The following FZD7 variants were observed in gnomAD, a reference collection of about 807,000 sequenced individuals.
The protein encoded by FZD7 is frizzled class receptor 7, also known as frizzled-7.
In FZD7, 21 loss-of-function variants were observed where a neutral mutation model predicts 39.0. The observed-to-expected ratio is 0.54, with a 90% CI of 0.38 to 0.78. FZD7 has a LOEUF of 0.78. Among genes scored for constraint, FZD7 ranks in the 30% least tolerant of loss-of-function variants. The probability of loss-of-function intolerance (pLI) is 0.00; values close to 1 mark genes in which losing one functional copy is unlikely to be tolerated. For missense variants in FZD7, 695 were observed against 805.0 expected, an observed-to-expected ratio of 0.86 and a Z score of 1.65; for synonymous variants, 428 against 364.9, an observed-to-expected ratio of 1.17 and a Z score of -1.97.
chr2:202,034,382 C>T lies in FZD7; in HGVS notation c.-266C>T, dbSNP rs980629226. On this transcript the variant is annotated 5_prime_UTR_variant, in exon 1 of 1. Transcript: ENST00000286201. ...TTACGTCCCCGCGGGGAGAGCGAGG[C>T]GGCCCTCCTCGGCGCCCCCAACCCA... 8.6e-5 allele frequency among the ~76,000 whole-genome samples: 13 copies of T among 151,716 alleles called. No individual in the cohort carries two copies. Among genetic ancestry groups the T allele is most frequent in the Non-Finnish European group, 2.9e-5 (2 of 67,894 alleles).
Position 202,037,637 on chromosome 2 carries a change from A to G in FZD7, c.*1265A>G, listed in dbSNP as rs1246546499. On this transcript the variant is annotated 3_prime_UTR_variant, in exon 1 of 1. Coordinates refer to ENST00000286201, the MANE Select transcript of FZD7 (RefSeq NM_003507.2). Reference sequence around the variant, plus strand: ...TGAGGTAAAAAAACATAATGTCTTCAGCCTCATAATAAAGGAAAGTTAATT... The same window carrying G: ...TGAGGTAAAAAAACATAATGTCTTCGGCCTCATAATAAAGGAAAGTTAATT... 2 of 166,598 alleles carry G rather than the reference A, an allele frequency of 1.2e-5. No homozygotes were observed. Among genetic ancestry groups the G allele is most frequent in the East Asian group, 3.8e-4 (2 of 5,196 alleles). 10.3% of individuals were successfully genotyped at this position (166,598 alleles called of 1,614,324 possible). A position where few individuals can be genotyped will look rare whatever the true frequency, so the allele number is the denominator to read the frequency against.
Position 202,034,991 on chromosome 2 carries a change from A to G in FZD7, c.344A>G (p.Gln115Arg). The G allele has an allele frequency of 6.2e-7, 1 of 1,613,724 alleles. No homozygotes were observed. Among genetic ancestry groups the G allele is most frequent in the South Asian group, 1.1e-5 (1 of 91,082 alleles). ...MYAPVCTVLD[Q>R]AIPPCRSLCE... ...GCGCCCGTGTGCACCGTGCTCGATC[A>G]GGCCATCCCGCCGTGTCGTTCTCTG... The change falls in exon 1 of 1, where the codon CAG becomes CGG. Residue 115 changes from glutamine to arginine, a missense_variant. By Grantham distance (43) the Gln-to-Arg change is conservative. Coordinates refer to ENST00000286201, the MANE Select transcript of FZD7 (RefSeq NM_003507.2).
In FZD7 at chr2:202,037,225, T is replaced by C. The variant is rs1688761482; in HGVS notation, c.*853T>C. 6.0e-6 allele frequency: 1 copy of C among 167,084 alleles called. No homozygotes were observed. Among genetic ancestry groups the C allele is most frequent in the Non-Finnish European group, 1.5e-5 (1 of 68,128 alleles). 10.4% of individuals were successfully genotyped at this position (167,084 alleles called of 1,614,324 possible). A position where few individuals can be genotyped will look rare whatever the true frequency, so the allele number is the denominator to read the frequency against. On this transcript the variant is annotated 3_prime_UTR_variant, in exon 1 of 1. Coordinates refer to ENST00000286201, the MANE Select transcript of FZD7 (RefSeq NM_003507.2). ...GCTTTTCAAAACAGGAATGCATTTT[T>C]CCCCTTGTCTTTGTTGTAAGAGACA...
rs1207989549 is a variant in FZD7 at position 202,035,421 on chromosome 2, C to T, written c.774C>T (p.Gly258=). The T allele has an allele frequency of 1.2e-6, 2 of 1,613,896 alleles. No homozygotes were observed. Among genetic ancestry groups the T allele is most frequent in the Middle Eastern group, 1.6e-4 (1 of 6,062 alleles). The stretch of plus-strand genomic sequence containing the variant: ...GGCGCTTCGCCCGCCTCTGGGTGGG[C>T]GTGTGGTCCGTGCTGTGCTGCGCCT... ...EERRFARLWV[G]VWSVLCCAST... The change falls in exon 1 of 1, where the codon GGC becomes GGT. Residue 258 remains glycine, a synonymous_variant. Coordinates refer to ENST00000286201, the MANE Select transcript of FZD7 (RefSeq NM_003507.2).
Position 202,035,973 on chromosome 2 carries a change from C to A in FZD7, c.1326C>A (p.Ala442=). The A allele has an allele frequency of 6.2e-7, 1 of 1,614,182 alleles. No homozygotes were observed. Among genetic ancestry groups the A allele is most frequent in the Non-Finnish European group, 8.5e-7 (1 of 1,180,032 alleles). ...YLFIGTSFLL[A]GFVSLFRIRT... ...TCATAGGCACGTCCTTCTTGCTGGC[C>A]GGCTTCGTGTCCCTCTTCCGTATCC... The change falls in exon 1 of 1, where the codon GCC becomes GCA. Residue 442 remains alanine (A), a synonymous_variant. Coordinates refer to ENST00000286201, the MANE Select transcript of FZD7 (RefSeq NM_003507.2).
In FZD7 at chr2:202,036,430, T is replaced by A. The variant is rs1688744392; in HGVS notation, c.*58T>A. ...CCCTCTTGCAAGAGGAGAGGCACGG[T>A]AGGGAAAAGAACTGCTGGGTGGGGG... On this transcript the variant is annotated 3_prime_UTR_variant, in exon 1 of 1. Transcript: ENST00000286201. The A allele has an allele frequency of 1.5e-6, 2 of 1,357,410 alleles. No individual in the cohort carries two copies. The highest frequency in any genetic ancestry group is 3.9e-5 in the Admixed American group (2 of 50,734). 84.1% of individuals were successfully genotyped at this position (1,357,410 alleles called of 1,614,324 possible).
At position 202,034,494 on chromosome 2, in the gene FZD7, C is replaced by T. The variant is rs1416950932; in HGVS notation, c.-154C>T. The T allele has an allele frequency of 4.1e-6, 2 of 487,580 alleles. No individual in the cohort carries two copies. The highest frequency in any genetic ancestry group is 2.0e-5 in the African/African-American group (1 of 49,640). 30.2% of individuals were successfully genotyped at this position (487,580 alleles called of 1,614,324 possible). Reference sequence around the variant, plus strand: ...CTTCGCGGCGCGGGCACCCAGGCGGCAGCGCCCTTTGCTCCACGCCGCCCA... The same window carrying T: ...CTTCGCGGCGCGGGCACCCAGGCGGTAGCGCCCTTTGCTCCACGCCGCCCA... On this transcript the variant is annotated 5_prime_UTR_variant, in exon 1 of 1. Coordinates refer to ENST00000286201, the MANE Select transcript of FZD7 (RefSeq NM_003507.2).
In FZD7 at chr2:202,036,168, G is replaced by T; in HGVS notation, c.1521G>T (p.Thr507=). 1 of 1,613,428 alleles carries T rather than the reference G, an allele frequency of 6.2e-7. No individual in the cohort carries two copies. Among genetic ancestry groups the T allele is most frequent in the Non-Finnish European group, 8.5e-7 (1 of 1,179,924 alleles). ...GGGAGCGCACCTGGCTCCTGCAGACGTGCAAGAGCTATGCCGTGCCCTGCC... is the reference window on the plus strand; with the variant it reads ...GGGAGCGCACCTGGCTCCTGCAGACTTGCAAGAGCTATGCCGTGCCCTGCC... ...EHWERTWLLQ[T]CKSYAVPCPP... The change falls in exon 1 of 1, where the codon ACG becomes ACT. Residue 507 remains threonine, a synonymous_variant. Transcript: ENST00000286201.
chr2:202,036,097 A>G lies in FZD7; in HGVS notation c.1450A>G (p.Ile484Val), dbSNP rs770553279. The change falls in exon 1 of 1, where the codon ATC (isoleucine) becomes GTC (valine). Residue 484 changes from isoleucine to valine, a missense_variant. Ile to Val is a conservative substitution (Grantham distance 29). Transcript: ENST00000286201. ...FSVLYTVPAT[I>V]VLACYFYEQA... Reference sequence around the variant, plus strand: ...CGTGCTCTACACAGTGCCCGCCACCATCGTCCTGGCCTGCTACTTCTACGA... The same window carrying G: ...CGTGCTCTACACAGTGCCCGCCACCGTCGTCCTGGCCTGCTACTTCTACGA... The G allele has an allele frequency of 6.2e-7, 1 of 1,613,922 alleles. No individual in the cohort carries two copies. The highest frequency in any genetic ancestry group is 8.5e-7 in the Non-Finnish European group (1 of 1,180,032).
In FZD7 at chr2:202,035,775, C is replaced by G. The variant is rs1216592887; in HGVS notation, c.1128C>G (p.Ala376=). ...AGTGGGGCCACGAGGCCATCGAGGC[C>G]AACTCGCAGTACTTCCACCTGGCCG... ...GMKWGHEAIE[A]NSQYFHLAAW... Residue 376 remains alanine, a synonymous_variant, in exon 1 of 1, where the codon GCC becomes GCG. Coordinates refer to ENST00000286201, the MANE Select transcript of FZD7 (RefSeq NM_003507.2). 1.9e-6 allele frequency: 3 copies of G among 1,614,008 alleles called. No homozygotes were observed. Among genetic ancestry groups the G allele is most frequent in the Non-Finnish European group, 2.5e-6 (3 of 1,180,044 alleles).
rs1409553863 is a variant in FZD7, at chr2:202,038,356, C to T, written c.*1984C>T. On this transcript the variant is annotated 3_prime_UTR_variant, in exon 1 of 1. Coordinates refer to ENST00000286201, the MANE Select transcript of FZD7 (RefSeq NM_003507.2). The stretch of plus-strand genomic sequence containing the variant: ...TATATATTGTATTTATACATTTTTA[C>T]TTTGGATTTTTGTTTTGTTGGCTTT... 6.0e-6 allele frequency: 1 copy of T among 166,282 alleles called. No individual in the cohort carries two copies. Among genetic ancestry groups the T allele is most frequent in the Non-Finnish European group, 1.5e-5 (1 of 68,098 alleles). The allele number at this position is 166,282 out of a possible 1,614,324, so 10.3% of individuals were successfully genotyped here.
chr2:202,035,036 G>A lies in FZD7; in HGVS notation c.389G>A (p.Gly130Asp), dbSNP rs964070574. Residue 130 changes from glycine to aspartate, a missense_variant, in exon 1 of 1, where the codon GGC becomes GAC. Gly to Asp is a moderately conservative substitution (Grantham distance 94, BLOSUM62 -1). Transcript: ENST00000286201. ...CRSLCERARQGCEALMNKFGF... is the reference protein window; with the variant it reads ...CRSLCERARQDCEALMNKFGF... Reference sequence around the variant, plus strand: ...TCTCTGTGCGAGCGCGCCCGCCAGGGCTGCGAGGCGCTCATGAACAAGTTC... The same window carrying A: ...TCTCTGTGCGAGCGCGCCCGCCAGGACTGCGAGGCGCTCATGAACAAGTTC... The A allele has an allele frequency of 1.2e-6, 2 of 1,612,906 alleles. No individual in the cohort carries two copies. Among genetic ancestry groups the A allele is most frequent in the Non-Finnish European group, 1.7e-6 (2 of 1,179,822 alleles).
Position 202,034,618 on chromosome 2 carries a change from C to T in FZD7, c.-30C>T. The T allele has an allele frequency of 2.0e-6, 3 of 1,522,704 alleles. No homozygotes were observed. Among genetic ancestry groups the T allele is most frequent in the Non-Finnish European group, 2.6e-6 (3 of 1,147,578 alleles). The allele number at this position is 1,522,704 out of a possible 1,614,324, so 94.3% of individuals were successfully genotyped here. A position where few individuals can be genotyped will look rare whatever the true frequency, so the allele number is the denominator to read the frequency against. ...CAACCGCCTCGTCGCACTCCTCAGG[C>T]TGAGAGCACCGCTGCACTCGCGGCC... On this transcript the variant is annotated 5_prime_UTR_variant, in exon 1 of 1. Transcript: ENST00000286201.
Position 202,034,686 on chromosome 2 carries a change from G to C in FZD7, c.39G>C (p.Leu13=). The C allele has an allele frequency of 1.2e-6, 2 of 1,606,606 alleles. No homozygotes were observed. The highest frequency in any genetic ancestry group is 1.7e-6 in the Non-Finnish European group (2 of 1,178,624). ...DPGAAAPLSS[L]GLCALVLALL... ...GCGCGGCCGCTCCGCTTTCGTCCCT[G>C]GGCCTCTGTGCCCTGGTGCTGGCGC... The change falls in exon 1 of 1, where the codon CTG becomes CTC. Residue 13 remains leucine (L), a synonymous_variant. Coordinates refer to ENST00000286201, the MANE Select transcript of FZD7 (RefSeq NM_003507.2).
Position 202,035,952 on chromosome 2 carries a change from A to T in FZD7, c.1305A>T (p.Ile435=). 6.2e-7 allele frequency: 1 copy of T among 1,613,982 alleles called. No homozygotes were observed. Among genetic ancestry groups the T allele is most frequent in the Non-Finnish European group, 8.5e-7 (1 of 1,180,004 alleles). Residue 435 remains isoleucine (I), a synonymous_variant, in exon 1 of 1, where the codon ATA becomes ATT. Coordinates refer to ENST00000286201, the MANE Select transcript of FZD7 (RefSeq NM_003507.2). ...VLAPLFVYLF[I]GTSFLLAGFV... is the part of the protein sequence containing the mutation. ...CGCCTCTGTTCGTCTACCTCTTCATAGGCACGTCCTTCTTGCTGGCCGGCT... is the reference window on the plus strand; with the variant it reads ...CGCCTCTGTTCGTCTACCTCTTCATTGGCACGTCCTTCTTGCTGGCCGGCT...
rs1261693207 is a variant in FZD7, at chr2:202,034,531, C to T, written c.-117C>T. ...CTCCACGCCGCCCACGGCCCGGCCC[C>T]GGCGCCGTGAGGACTCTCATGCGTC... On this transcript the variant is annotated 5_prime_UTR_variant, in exon 1 of 1. Coordinates refer to ENST00000286201, the MANE Select transcript of FZD7 (RefSeq NM_003507.2). 9.2e-6 allele frequency: 8 copies of T among 872,898 alleles called. No homozygotes were observed. Among genetic ancestry groups the T allele is most frequent in the East Asian group, 3.1e-5 (1 of 32,536 alleles). The allele number at this position is 872,898 out of a possible 1,614,324, so 54.1% of individuals were successfully genotyped here.
At position 202,035,960 on chromosome 2, in the gene FZD7, CCTT is replaced by C; in HGVS notation, c.1317_1319del (p.Phe439del). 6.2e-7 allele frequency: 1 copy of C among 1,614,116 alleles called. No individual in the cohort carries two copies. Among genetic ancestry groups the C allele is most frequent in the Non-Finnish European group, 8.5e-7 (1 of 1,180,020 alleles). ...TTCGTCTACCTCTTCATAGGCACGT[CCTT>C]CTTGCTGGCCGGCTTCGTGTCCCTC... is the stretch of plus-strand genomic sequence containing the variant. On this transcript the variant is annotated inframe_deletion, in exon 1 of 1. Transcript: ENST00000286201.
chr2:202,036,181 G>T lies in FZD7; in HGVS notation c.1534G>T (p.Ala512Ser). Residue 512 changes from alanine to serine, a missense_variant, in exon 1 of 1, where the codon GCC (alanine) becomes TCC (serine). By Grantham distance (99) the Ala-to-Ser change is moderately conservative (BLOSUM62 1). Transcript: ENST00000286201. ...GCTCCTGCAGACGTGCAAGAGCTAT[G>T]CCGTGCCCTGCCCGCCCGGCCACTT... ...TWLLQTCKSY[A>S]VPCPPGHFPP... 6.2e-7 allele frequency: 1 copy of T among 1,613,508 alleles called. No individual in the cohort carries two copies. Among genetic ancestry groups the T allele is most frequent in the Non-Finnish European group, 8.5e-7 (1 of 1,180,026 alleles).
rs1273551718 is a variant in FZD7 at position 202,035,289 on chromosome 2, C to T, written c.642C>T (p.Leu214=). Residue 214 remains leucine (L), a synonymous_variant, in exon 1 of 1, where the codon CTC becomes CTT. Coordinates refer to ENST00000286201, the MANE Select transcript of FZD7 (RefSeq NM_003507.2). ...TCCCCTTCTCATGCCCCCGTCAGCTCAAGGTGCCCCCGTACCTGGGCTACC... is the reference window on the plus strand; with the variant it reads ...TCCCCTTCTCATGCCCCCGTCAGCTTAAGGTGCCCCCGTACCTGGGCTACC... ...PAFPFSCPRQ[L]KVPPYLGYRF... is the part of the protein sequence containing the mutation. 6 of 1,608,026 alleles carry T rather than the reference C, an allele frequency of 3.7e-6. No homozygotes were observed. The highest frequency in any genetic ancestry group is 5.1e-6 in the Non-Finnish European group (6 of 1,179,174).
Sources: allele counts gnomAD v4.1 joint callset (sites outside exome capture counted in the v4.1 genomes callset), GRCh38; gene constraint gnomAD v4.1.1; transcripts MANE v1.5; gene names NCBI Gene and HGNC (gene_info 2026-07-23, HGNC 2026-07-21).